The following B3GALT1 variants were observed in gnomAD, a reference collection of about 807,000 sequenced individuals.
B3GALT1 encodes the protein beta-1,3-galactosyltransferase 1.
A neutral mutation model predicts 23.2 loss-of-function variants in B3GALT1; 10 were observed. The ratio of observed to expected loss-of-function variants is 0.43; its 90% CI spans 0.27 to 0.73. B3GALT1 has a LOEUF of 0.73. Ranked by LOEUF, B3GALT1 falls within the 30% of genes least tolerant of loss-of-function variation. B3GALT1 has a pLI of 0.21. For missense variants in B3GALT1, 299 were observed against 405.4 expected, an observed-to-expected ratio of 0.74 and a Z score of 2.25; for synonymous variants, 156 against 141.5, an observed-to-expected ratio of 1.10 and a Z score of -0.73.
chr2:167,871,949 G>C lies in B3GALT1; in HGVS notation c.*1929G>C, dbSNP rs572757857. ...CGGAGTCTAGCTCTGTGGCCCAGGC[G>C]GGAGTGCAGTGGCACAATCTCGGCT... is the stretch of plus-strand genomic sequence containing the variant. On this transcript the variant is annotated 3_prime_UTR_variant, in exon 5 of 5. Coordinates refer to ENST00000392690, the MANE Select transcript of B3GALT1 (RefSeq NM_020981.4). 7.0e-6 allele frequency: 1 copy of C among 142,090 alleles called. No individual in the cohort carries two copies. The highest frequency in any genetic ancestry group is 2.6e-5 in the African/African-American group (1 of 37,868). The allele number at this position is 142,090 out of a possible 1,614,324, so 8.8% of individuals were successfully genotyped here.
chr2:167,677,857 T>C (rs1215520298), intron 3 of B3GALT1, among the ~76,000 whole-genome samples: 3 of 152,168 alleles, frequency 2.0e-5, no homozygotes, highest in Non-Finnish European at 4.4e-5. Context: ...AAACAGGTCC[T>C]TATTCAAATG....
At chr2:167,665,153 T>C (rs112943649) in intron 3 of B3GALT1, among the ~76,000 whole-genome samples, 13 of 151,432 alleles carry the variant, frequency 8.6e-5, no homozygotes, top group Non-Finnish European at 1.6e-4. Flanking sequence ...ACCTAATTTA[T>C]TGAGAGTTTT....
chr2:167,441,860 T>G (rs937692315), intron 1 of B3GALT1, among the ~76,000 whole-genome samples: 8 of 141,442 alleles, frequency 5.7e-5, no homozygotes, highest in Non-Finnish European at 6.1e-5. Flanking sequence ...AGATCCCATG[T>G]TTTTTTTTTT....
At chr2:167,649,905 TA>T (rs1429925027) in intron 3 of B3GALT1, among the ~76,000 whole-genome samples, 2 of 152,052 alleles carry the variant, frequency 1.3e-5, no homozygotes, top group Non-Finnish European at 2.9e-5. Context: ...GAATGTCTTT[TA>T]TTTCTTTGAT....
intron 1 of B3GALT1, among the ~76,000 whole-genome samples, chr2:167,452,337 C>T (rs926445969): frequency 1.3e-5 from 2 of 152,186 alleles, no homozygotes; most frequent in African/African-American, 2.4e-5. Context: ...TCAGAAATGG[C>T]TTCCTTGGGG....
At chr2:167,404,993 C>G (rs571000412) in intron 1 of B3GALT1, among the ~76,000 whole-genome samples, 13 of 152,184 alleles carry the variant, frequency 8.5e-5, no homozygotes, top group Non-Finnish European at 1.3e-4. Flanking sequence ...TGTCAATAAG[C>G]CAATGTTTTA....
intron 1 of B3GALT1, among the ~76,000 whole-genome samples, chr2:167,462,498 A>G (rs982316925): frequency 8.5e-5 from 13 of 152,088 alleles, no homozygotes; most frequent in South Asian, 2.1e-4. Flanking sequence ...AGAAAATCTC[A>G]TTTCCATCCA....
At chr2:167,829,409 G>A (rs1204209340) in intron 4 of B3GALT1, among the ~76,000 whole-genome samples, 1 of 151,802 alleles carries the variant, frequency 6.6e-6, no homozygotes, top group African/African-American at 2.4e-5. Context: ...CTTGAATCTG[G>A]GAGGCGGAGG....
At chr2:167,770,641 A>C (rs747071559) in intron 3 of B3GALT1, among the ~76,000 whole-genome samples, 34 of 151,902 alleles carry the variant, frequency 2.2e-4, no homozygotes, top group Non-Finnish European at 5.9e-5. Flanking sequence ...TAATTTACCA[A>C]TTTTTTTTCA....
intron 1 of B3GALT1, among the ~76,000 whole-genome samples, chr2:167,321,086 A>G (rs893378136): frequency 3.3e-5 from 5 of 152,076 alleles, no homozygotes; most frequent in Non-Finnish European, 7.4e-5. Flanking sequence ...ATGTAAGAGT[A>G]AAAGCAAGGC....
At chr2:167,303,640 CACAT>C (rs1310093953) in intron 1 of B3GALT1, among the ~76,000 whole-genome samples, 16 of 69,244 alleles carry the variant, frequency 2.3e-4, no homozygotes, top group African/African-American at 5.5e-4. Context: ...TGGAAACACA[CACAT>C]ACACACACAC....
chr2:167,617,436 G>C (rs574008748), intron 2 of B3GALT1, among the ~76,000 whole-genome samples: 1 of 152,116 alleles, frequency 6.6e-6, no homozygotes, highest in East Asian at 1.9e-4. Flanking sequence ...GGAGCTGGGA[G>C]AGAATTCACC....
intron 1 of B3GALT1, among the ~76,000 whole-genome samples, chr2:167,443,611 G>T (rs905637628): frequency 5.9e-5 from 9 of 152,052 alleles, no homozygotes; most frequent in Non-Finnish European, 7.4e-5. Flanking sequence ...GGATTCCTAG[G>T]TATTTTATTC....
At chr2:167,518,649 G>C (rs930530080) in intron 2 of B3GALT1, among the ~76,000 whole-genome samples, 13 of 152,146 alleles carry the variant, frequency 8.5e-5, no homozygotes, top group African/African-American at 2.7e-4. Context: ...CGTCTATTCA[G>C]ATGCAAATCC....
intron 2 of B3GALT1, among the ~76,000 whole-genome samples, chr2:167,625,008 G>A (rs1685315899): frequency 6.6e-6 from 1 of 151,888 alleles, no homozygotes; most frequent in Non-Finnish European, 1.5e-5. Context: ...AAAGAATAGA[G>A]GGCTAGGCCT....
chr2:167,716,820 G>A (rs958573950), intron 3 of B3GALT1, among the ~76,000 whole-genome samples: 2 of 152,024 alleles, frequency 1.3e-5, no homozygotes, highest in East Asian at 1.9e-4. Context: ...TGTTTATAGT[G>A]TATCTTCTTT....
intron 1 of B3GALT1, among the ~76,000 whole-genome samples, chr2:167,433,637 C>T (rs1055312542): frequency 6.6e-6 from 1 of 152,180 alleles, no homozygotes; most frequent in African/African-American, 2.4e-5. Context: ...AACTACACAA[C>T]AGAAAATTAA....
At chr2:167,832,932 G>A (rs1393998471) in intron 4 of B3GALT1, among the ~76,000 whole-genome samples, 1 of 152,212 alleles carries the variant, frequency 6.6e-6, no homozygotes, top group Admixed American at 6.5e-5. Context: ...CACCATTAGA[G>A]GTGACAGCAG....
intron 3 of B3GALT1, among the ~76,000 whole-genome samples, chr2:167,768,860 A>G (rs1345490169): frequency 6.6e-6 from 1 of 152,206 alleles, no homozygotes; most frequent in Non-Finnish European, 1.5e-5. Flanking sequence ...TTCTAACAAT[A>G]GCCAAGGTGC....
Sources: gnomAD v4.1 joint callset for allele counts (sites outside exome capture counted in the v4.1 genomes callset) on GRCh38, gnomAD v4.1.1 for gene constraint, MANE v1.5 for transcripts, NCBI Gene and HGNC (gene_info 2026-07-23, HGNC 2026-07-21) for gene names.